THSD7A: variants seen among roughly 807,000 people sequenced by gnomAD.
THSD7A encodes thrombospondin type-1 domain-containing protein 7A.
THSD7A carries 96 observed loss-of-function variants against 231.3 expected under a neutral mutation model. That is an observed-to-expected ratio of 0.41 (90% CI 0.35 to 0.49). THSD7A has a LOEUF of 0.49. Ranked by LOEUF, THSD7A falls within the 20% of genes least tolerant of loss-of-function variation. The pLI is 0.05. For missense variants in THSD7A, 2,290 were observed against 2,070.2 expected (o/e 1.11, Z -2.06); for synonymous variants, 940 against 743.3 (o/e 1.26, Z -4.30).
At chr7:11,816,420 T>C (rs1412375716) in intron 1 of THSD7A, among the ~76,000 whole-genome samples, 1 of 152,204 alleles carries the variant, frequency 6.6e-6, no homozygotes, top group Middle Eastern at 3.2e-3. Flanking sequence ...TCATAATCAA[T>C]GGAAACTATT....
Position 11,446,370 on chromosome 7 carries a change from C to T in THSD7A, c.2801-46G>A. 1.3e-6 allele frequency: 2 copies of T among 1,565,506 alleles called. No individual in the cohort carries two copies. Among genetic ancestry groups the T allele is most frequent in the South Asian group, 2.4e-5 (2 of 82,820 alleles). ...GGCAATTTAAGTTGGAAAATACCAT[C>T]ATTAATTTCACACATCCCTAAATTT... is the stretch of plus-strand genomic sequence containing the variant. On this transcript the variant is annotated intron_variant, in intron 12 of 27. Coordinates refer to ENST00000423059, the MANE Select transcript of THSD7A (RefSeq NM_015204.3). The surrounding 1 kb of genome is among the most constrained non-coding windows in gnomAD (Gnocchi z 4.0).
At chr7:11,560,599 C>T (rs983798877) in intron 4 of THSD7A, among the ~76,000 whole-genome samples, 2 of 152,054 alleles carry the variant, frequency 1.3e-5, no homozygotes, top group African/African-American at 4.8e-5. Context: ...ATTTAGATAC[C>T]CAGTCGTAGA....
chr7:11,477,149 T>C (rs1786224699), intron 7 of THSD7A, among the ~76,000 whole-genome samples: 1 of 152,192 alleles, frequency 6.6e-6, no homozygotes, highest in South Asian at 2.1e-4. Flanking sequence ...TACAGCAAGA[T>C]GATTTAGTTC....
chr7:11,783,567 T>C (rs1458609084), intron 1 of THSD7A, among the ~76,000 whole-genome samples: 1 of 152,272 alleles, frequency 6.6e-6, no homozygotes, highest in African/African-American at 2.4e-5. Flanking sequence ...TAACAACTGT[T>C]GGCAGTAACA....
At chr7:11,587,953 T>C (rs1176088745) in intron 4 of THSD7A, among the ~76,000 whole-genome samples, 3 of 152,194 alleles carry the variant, frequency 2.0e-5, no homozygotes, top group African/African-American at 7.2e-5. Flanking sequence ...AAACAAGTCA[T>C]CTAGAGAACA....
chr7:11,796,278 T>C (rs1462136869), intron 1 of THSD7A, among the ~76,000 whole-genome samples: 2 of 151,332 alleles, frequency 1.3e-5, no homozygotes, highest in African/African-American at 4.8e-5. Context: ...GTGACAAAAT[T>C]TACTGTTTTA....
intron 1 of THSD7A, among the ~76,000 whole-genome samples, chr7:11,705,629 T>G (rs570387297): frequency 3.3e-5 from 5 of 151,138 alleles, no homozygotes; most frequent in African/African-American, 1.2e-4. Context: ...CAAAGAGCAG[T>G]TTTTAGGTGT....
intron 1 of THSD7A, among the ~76,000 whole-genome samples, chr7:11,768,574 A>C (rs1783102313): frequency 6.6e-6 from 1 of 152,120 alleles, no homozygotes; most frequent in African/African-American, 2.4e-5. Context: ...TATGGTCAAA[A>C]GTGATCTCCA....
chr7:11,605,794 T>G (rs923834104), intron 2 of THSD7A, among the ~76,000 whole-genome samples: 3 of 152,108 alleles, frequency 2.0e-5, no homozygotes, highest in African/African-American at 7.2e-5. Context: ...AGAATTGCAC[T>G]GCTGTTTCTC....
At chr7:11,593,837 C>G (rs1403474113) in intron 2 of THSD7A, among the ~76,000 whole-genome samples, 1 of 152,172 alleles carries the variant, frequency 6.6e-6, no homozygotes, top group Admixed American at 6.5e-5. Context: ...AAACCAAGAA[C>G]TGTTAACATA....
intron 6 of THSD7A, among the ~76,000 whole-genome samples, chr7:11,496,994 A>G (rs148308486): frequency 6.6e-6 from 1 of 152,278 alleles, no homozygotes; most frequent in Non-Finnish European, 1.5e-5. Context: ...CATTACTATA[A>G]GGAGATACCC....
At chr7:11,711,955 TG>T (rs1324730301) in intron 1 of THSD7A, among the ~76,000 whole-genome samples, 3 of 151,066 alleles carry the variant, frequency 2.0e-5, no homozygotes, top group Non-Finnish European at 4.5e-5. Context: ...AAATAGCCTA[TG>T]GGTATCGTCC....
At chr7:11,523,224 G>A (rs1310877919) in intron 6 of THSD7A, among the ~76,000 whole-genome samples, 1 of 152,042 alleles carries the variant, frequency 6.6e-6, no homozygotes, top group East Asian at 1.9e-4. Context: ...TAAAAATCTG[G>A]CTTCCTGATT....
At chr7:11,624,138 C>T (rs1363690970) in intron 2 of THSD7A, among the ~76,000 whole-genome samples, 1 of 152,004 alleles carries the variant, frequency 6.6e-6, no homozygotes, top group Non-Finnish European at 1.5e-5. Flanking sequence ...TATTGAATTT[C>T]CACTTGAGTT....
At chr7:11,756,423 A>C (rs530097114) in intron 1 of THSD7A, among the ~76,000 whole-genome samples, 174 of 152,178 alleles carry the variant, frequency 1.1e-3, no homozygotes, top group South Asian at 0.011. Context: ...ATACTTGGGG[A>C]GTAACTGAAA....
intron 1 of THSD7A, among the ~76,000 whole-genome samples, chr7:11,694,334 G>A (rs1234001634): frequency 6.6e-6 from 1 of 151,478 alleles, no homozygotes; most frequent in Non-Finnish European, 1.5e-5. Context: ...CCACAGTTGG[G>A]CCTGCGGGAC....
chr7:11,646,718 C>T (rs1348008925), intron 1 of THSD7A, among the ~76,000 whole-genome samples: 1 of 151,974 alleles, frequency 6.6e-6, no homozygotes, highest in East Asian at 1.9e-4. Flanking sequence ...GGAGTCCTAT[C>T]ACAATTTTCA....
chr7:11,395,901 C>T (rs1442274469), intron 23 of THSD7A, among the ~76,000 whole-genome samples: 5 of 152,136 alleles, frequency 3.3e-5, no homozygotes, highest in Admixed American at 3.3e-4. Flanking sequence ...AAAACAAACA[C>T]TCCTTAGAAA....
At chr7:11,573,555 A>G (rs1056849345) in intron 4 of THSD7A, among the ~76,000 whole-genome samples, 11 of 152,202 alleles carry the variant, frequency 7.2e-5, no homozygotes, top group Non-Finnish European at 1.3e-4. Context: ...GCCAATGACT[A>G]AAAACAGCTG....
Sources: gnomAD v4.1 joint callset for allele counts (sites outside exome capture counted in the v4.1 genomes callset) on GRCh38, gnomAD v4.1.1 for gene constraint, Gnocchi (gnomAD v3.1) non-coding constraint, MANE v1.5 for transcripts, NCBI Gene and HGNC (gene_info 2026-07-23, HGNC 2026-07-21) for gene names.